The following SMAP1 variants were observed in gnomAD, a reference collection of about 807,000 sequenced individuals.
SMAP1 encodes the protein stromal membrane-associated protein 1.
A neutral mutation model predicts 58.5 loss-of-function variants in SMAP1; 24 were observed. The observed-to-expected ratio is 0.41, with a 90% CI of 0.30 to 0.58. The LOEUF (loss-of-function observed/expected upper bound fraction) is 0.58, where lower values mean the gene tolerates loss of function less well. Ranked by LOEUF, SMAP1 falls within the 20% of genes least tolerant of loss-of-function variation. SMAP1 has a pLI of 0.29. For synonymous variants in SMAP1, 216 were observed against 196.6 expected (o/e 1.10, Z -0.82); for missense variants, 563 against 566.3 (o/e 0.99, Z 0.06).
intron 7 of SMAP1, among the ~76,000 whole-genome samples, chr6:70,839,482 G>A (rs1770721971): frequency 6.6e-6 from 1 of 152,130 alleles, no homozygotes; most frequent in East Asian, 1.9e-4. Context: ...TGGGCCTGTA[G>A]GTCTGCTGGG....
At chr6:70,807,178 C>T (rs1187936837) in intron 6 of SMAP1, among the ~76,000 whole-genome samples, 1 of 152,094 alleles carries the variant, frequency 6.6e-6, no homozygotes, top group Non-Finnish European at 1.5e-5. Flanking sequence ...ACTTGTTTTC[C>T]TTGAGCAGTC....
intron 1 of SMAP1, among the ~76,000 whole-genome samples, chr6:70,710,907 A>G (rs941899178): frequency 1.3e-5 from 2 of 152,092 alleles, no homozygotes; most frequent in African/African-American, 4.8e-5. Context: ...AGACACGAAC[A>G]CCCATATTAG....
intron 2 of SMAP1, among the ~76,000 whole-genome samples, chr6:70,754,696 G>A (rs1394104290): frequency 1.3e-5 from 2 of 152,030 alleles, no homozygotes; most frequent in Non-Finnish European, 2.9e-5. Flanking sequence ...TTCACTGTTA[G>A]GAAGTAGTAA....
At chr6:70,777,256 C>T (rs1488453979) in intron 4 of SMAP1, among the ~76,000 whole-genome samples, 2 of 152,120 alleles carry the variant, frequency 1.3e-5, no homozygotes, top group Admixed American at 6.6e-5. Context: ...GAACCCTGTA[C>T]CTCAGATGGA....
intron 2 of SMAP1, 64 bp from the exon 3 acceptor site, chr6:70,754,916 A>G (rs1766422937): frequency 1.1e-6 from 1 of 900,482 alleles, no homozygotes; most frequent in Non-Finnish European, 1.8e-6. Context: ...ATGTATGTGT[A>G]TGTATGTGCA....
rs1241846880 is a variant in SMAP1 at position 70,798,744 on chromosome 6, T to A, written c.576+7T>A. 6.5e-7 allele frequency: 1 copy of A among 1,542,872 alleles called. No homozygotes were observed. Among genetic ancestry groups the A allele is most frequent in the Non-Finnish European group, 8.7e-7 (1 of 1,146,610 alleles). On this transcript the variant is annotated splice_region_variant and intron_variant, in intron 6 of 10. Coordinates refer to ENST00000370455, the MANE Select transcript of SMAP1 (RefSeq NM_001044305.3). Reference sequence around the variant, plus strand: ...ACCACTTACAGCTGAAAAGGTAAAATTCTTTTTTTAAAAATAATCTATTAG... The same window carrying A: ...ACCACTTACAGCTGAAAAGGTAAAAATCTTTTTTTAAAAATAATCTATTAG...
At chr6:70,835,287 G>A (rs1000778663) in intron 6 of SMAP1, among the ~76,000 whole-genome samples, 3 of 151,180 alleles carry the variant, frequency 2.0e-5, no homozygotes, top group Admixed American at 6.6e-5. Flanking sequence ...TTGACACCTG[G>A]TAATAGTAGG....
At chr6:70,834,898 T>C (rs996090336) in intron 6 of SMAP1, among the ~76,000 whole-genome samples, 1 of 152,188 alleles carries the variant, frequency 6.6e-6, no homozygotes, top group African/African-American at 2.4e-5. Flanking sequence ...ATGGATTATG[T>C]TAAACTTCTG....
At chr6:70,770,169 G>C (rs538146665) in intron 3 of SMAP1, among the ~76,000 whole-genome samples, 50 of 151,672 alleles carry the variant, frequency 3.3e-4, no homozygotes, top group African/African-American at 1.1e-3. Context: ...TTTCTCTCTG[G>C]CTGCCCTTAA....
intron 1 of SMAP1, among the ~76,000 whole-genome samples, chr6:70,705,545 T>C (rs1767804975): frequency 6.6e-6 from 1 of 152,176 alleles, no homozygotes; most frequent in Admixed American, 6.6e-5. Context: ...GCCGCCACGC[T>C]GGGGCCATTA....
rs957483553 is a variant in SMAP1 at position 70,761,603 on chromosome 6, C to G, written c.338+6538C>G. ...ATGCAAGCCATCTTAGCCCTCAGTA[C>G]AGTAATTCTGTTTCCTCTTGCTACC... On this transcript the variant is annotated intron_variant, in intron 3 of 10. Coordinates refer to ENST00000370455, the MANE Select transcript of SMAP1 (RefSeq NM_001044305.3). Among the ~76,000 whole-genome samples, 5 of 152,016 alleles carry G rather than the reference C, an allele frequency of 3.3e-5. No homozygotes were observed. The East Asian group carries it at 7.7e-4, about 23-fold the overall frequency.
Position 70,788,300 on chromosome 6 carries a change from TGGGGTGG to T in SMAP1, c.415-3384_415-3378del, listed in dbSNP as rs1337110263. 1.8e-4 allele frequency among the ~76,000 whole-genome samples: 12 copies of T among 68,368 alleles called. No individual in the cohort carries two copies. The Admixed American group carries it at 2.1e-3, about 12-fold the overall frequency. 44.9% of individuals were successfully genotyped at this position (68,368 alleles called of 152,430 possible). On this transcript the variant is annotated intron_variant, in intron 4 of 10. Coordinates refer to ENST00000370455, the MANE Select transcript of SMAP1 (RefSeq NM_001044305.3). ...GAACATCACACTCTGGGGACTGTTG[TGGGGTGG>T]GGGGAGGGGGGAGGGATAGCATTAG...
At chr6:70,783,916 G>A (rs1340600462) in intron 4 of SMAP1, among the ~76,000 whole-genome samples, 1 of 152,160 alleles carries the variant, frequency 6.6e-6, no homozygotes, top group Non-Finnish European at 1.5e-5. Flanking sequence ...AATCTAGCAA[G>A]GAAGGCCAAC....
At chr6:70,789,131 G>A (rs554221942) in intron 4 of SMAP1, among the ~76,000 whole-genome samples, 31 of 151,542 alleles carry the variant, frequency 2.0e-4, no homozygotes, top group South Asian at 6.3e-4. Flanking sequence ...TTCTTTATTC[G>A]TTGCTCACAT....
chr6:70,752,864 C>G (rs1050268194), intron 2 of SMAP1, among the ~76,000 whole-genome samples: 3 of 151,972 alleles, frequency 2.0e-5, no homozygotes, highest in Non-Finnish European at 2.9e-5. Context: ...TTCCCCAAAT[C>G]CCAACTAACA....
At position 70,732,444 on chromosome 6, in the gene SMAP1, A is replaced by C; in HGVS notation, c.185A>C (p.Asn62Thr). 1.9e-6 allele frequency: 3 copies of C among 1,613,034 alleles called. No individual in the cohort carries two copies. The highest frequency in any genetic ancestry group is 2.5e-6 in the Non-Finnish European group (3 of 1,179,280). ...ICIRCAGIHR[N>T]LGVHISRVKS... ...ATCAGATGTGCTGGAATTCATAGAA[A>C]TCTTGGGGTTCATATATCCAGGGTC... The change falls in exon 2 of 11, where the codon AAT becomes ACT. Residue 62 changes from asparagine (N) to threonine (T), a missense_variant. Physicochemically the swap from Asn to Thr is moderately conservative, Grantham distance 65. Transcript: ENST00000370455.
Position 70,861,882 on chromosome 6 carries a change from T to A in SMAP1, c.*1548T>A, listed in dbSNP as rs1562211376. On this transcript the variant is annotated 3_prime_UTR_variant, in exon 11 of 11. Coordinates refer to ENST00000370455, the MANE Select transcript of SMAP1 (RefSeq NM_001044305.3). ...CAGTTCTTCGACTGTTGTTATCTGT[T>A]TGAGAAAGTCAGATTCTTGCATCCC... 14 of 1,613,996 alleles carry A rather than the reference T, an allele frequency of 8.7e-6. No homozygotes were observed. The highest frequency in any genetic ancestry group is 1.1e-5 in the Non-Finnish European group (13 of 1,179,962).
intron 6 of SMAP1, among the ~76,000 whole-genome samples, chr6:70,802,028 G>T (rs560972165): frequency 6.6e-6 from 1 of 152,202 alleles, no homozygotes; most frequent in Non-Finnish European, 1.5e-5. Flanking sequence ...GAACTTTAAA[G>T]TAGTTTTTTC....
intron 3 of SMAP1, among the ~76,000 whole-genome samples, chr6:70,762,179 G>C (rs1329771196): frequency 6.6e-6 from 1 of 152,046 alleles, no homozygotes; most frequent in African/African-American, 2.4e-5. Context: ...AATCCATTTG[G>C]CTGTTCTTTG....
Sources: allele counts gnomAD v4.1 joint callset (sites outside exome capture counted in the v4.1 genomes callset), GRCh38; gene constraint gnomAD v4.1.1; transcripts MANE v1.5; gene names NCBI Gene and HGNC (gene_info 2026-07-23, HGNC 2026-07-21).